The following ADCY2 variants were observed in gnomAD, a reference collection of about 807,000 sequenced individuals.
The protein encoded by ADCY2 is adenylate cyclase type 2.
ADCY2 carries 31 observed loss-of-function variants against 125.2 expected under a neutral mutation model. The observed-to-expected ratio is 0.25, with a 90% CI of 0.19 to 0.33. ADCY2 has a LOEUF of 0.33. Ranked by LOEUF, ADCY2 falls within the 10% of genes least tolerant of loss-of-function variation. ADCY2 has a pLI of 1.00. For synonymous variants in ADCY2, 512 were observed against 548.4 expected, an observed-to-expected ratio of 0.93 and a Z score of 0.93; for missense variants, 904 against 1,418.2, an observed-to-expected ratio of 0.64 and a Z score of 5.82.
chr5:7,734,213 G>A (rs1020064133), intron 14 of ADCY2, among the ~76,000 whole-genome samples: 5 of 152,140 alleles, frequency 3.3e-5, no homozygotes, highest in African/African-American at 4.8e-5. Context: ...GAAAGAGTCC[G>A]TGAAAGTCAT....
intron 3 of ADCY2, among the ~76,000 whole-genome samples, chr5:7,621,035 G>A (rs911162834): frequency 1.3e-5 from 2 of 152,204 alleles, no homozygotes; most frequent in African/African-American, 2.4e-5. Context: ...TTAAGAATTA[G>A]AATAGTAAAC....
At chr5:7,672,464 C>T (rs999388376) in intron 4 of ADCY2, among the ~76,000 whole-genome samples, 2 of 151,900 alleles carry the variant, frequency 1.3e-5, no homozygotes, top group Admixed American at 1.3e-4. Context: ...TTTATGTGGC[C>T]TGAGTACTAA....
At chr5:7,805,599 A>T (rs75495970) in intron 22 of ADCY2, among the ~76,000 whole-genome samples, 1,972 of 152,222 alleles carry the variant, frequency 0.013, 49 homozygotes, top group African/African-American at 0.045. Flanking sequence ...CCACAGAGAA[A>T]CTGCACTTAC....
intron 23 of ADCY2, among the ~76,000 whole-genome samples, chr5:7,819,356 A>G (rs1745222730): frequency 6.6e-6 from 1 of 152,150 alleles, no homozygotes; most frequent in South Asian, 2.1e-4. Context: ...ACTTATATAG[A>G]CCAAAATCAT....
At chr5:7,536,985 G>C (rs1297557151) in intron 3 of ADCY2, among the ~76,000 whole-genome samples, 1 of 151,492 alleles carries the variant, frequency 6.6e-6, no homozygotes, top group African/African-American at 2.4e-5. Flanking sequence ...TTGACTTAAA[G>C]TAATCAATAA....
chr5:7,545,327 G>A (rs1156653519), intron 3 of ADCY2, among the ~76,000 whole-genome samples: 1 of 152,186 alleles, frequency 6.6e-6, no homozygotes, highest in African/African-American at 2.4e-5. Flanking sequence ...ATCCACTAAT[G>A]TGGTGCCTTT....
At chr5:7,720,532 T>A (rs1298786366) in intron 12 of ADCY2, among the ~76,000 whole-genome samples, 1 of 152,102 alleles carries the variant, frequency 6.6e-6, no homozygotes, top group Non-Finnish European at 1.5e-5. Flanking sequence ...TATCTCCTAA[T>A]GCTATCCTCC....
intron 2 of ADCY2, among the ~76,000 whole-genome samples, chr5:7,475,277 A>G (rs1352694840): frequency 6.6e-6 from 1 of 152,184 alleles, no homozygotes; most frequent in Non-Finnish European, 1.5e-5. Flanking sequence ...CAAGGCCTGA[A>G]TCTCCTCTGA....
intron 24 of ADCY2, chr5:7,826,498 G>T: frequency 1.5e-6 from 1 of 667,160 alleles, no homozygotes; most frequent in Non-Finnish European, 2.7e-6. Flanking sequence ...TTGAATTTTA[G>T]GTTGTTTCCA....
At chr5:7,527,402 TC>T (rs1188382152) in intron 3 of ADCY2, among the ~76,000 whole-genome samples, 2 of 152,220 alleles carry the variant, frequency 1.3e-5, no homozygotes, top group Non-Finnish European at 2.9e-5. Context: ...TTCCATATAT[TC>T]CTATGTATAC....
intron 3 of ADCY2, among the ~76,000 whole-genome samples, chr5:7,529,617 T>C (rs1734580377): frequency 6.6e-6 from 1 of 152,232 alleles, no homozygotes; most frequent in Non-Finnish European, 1.5e-5. Flanking sequence ...TGGGTTGGCC[T>C]CTGCTTCTCC....
chr5:7,825,675 G>A (rs1041158600), intron 24 of ADCY2, among the ~76,000 whole-genome samples: 5 of 152,190 alleles, frequency 3.3e-5, no homozygotes, highest in South Asian at 2.1e-4. Flanking sequence ...GCCAACAGAG[G>A]GGTCTTCCCT....
chr5:7,597,939 C>G (rs990873428), intron 3 of ADCY2, among the ~76,000 whole-genome samples: 2 of 152,204 alleles, frequency 1.3e-5, no homozygotes, highest in Non-Finnish European at 2.9e-5. Flanking sequence ...CTGGCAAATT[C>G]TACTGAAGGA....
chr5:7,642,749 G>C (rs906709161), intron 4 of ADCY2, among the ~76,000 whole-genome samples: 5 of 152,080 alleles, frequency 3.3e-5, no homozygotes, highest in Non-Finnish European at 7.4e-5. Flanking sequence ...GAATTCCCAT[G>C]AGGCTAATAG....
At chr5:7,672,116 A>G (rs561980707) in intron 4 of ADCY2, among the ~76,000 whole-genome samples, 1 of 152,248 alleles carries the variant, frequency 6.6e-6, no homozygotes, top group Admixed American at 6.5e-5. Context: ...GTGGGGTGGG[A>G]TTTGATCCAG....
intron 4 of ADCY2, among the ~76,000 whole-genome samples, chr5:7,642,797 T>A (rs1031077990): frequency 1.3e-5 from 2 of 152,118 alleles, no homozygotes; most frequent in African/African-American, 4.8e-5. Flanking sequence ...TGGGGGCCTC[T>A]TTTCAACATT....
chr5:7,776,088 G>T (rs570380469), intron 18 of ADCY2, among the ~76,000 whole-genome samples: 1 of 150,236 alleles, frequency 6.7e-6, no homozygotes, highest in East Asian at 2.0e-4. Flanking sequence ...TCTCTTTTCT[G>T]AGATCCAAGA....
At chr5:7,747,959 A>G (rs549112061) in intron 15 of ADCY2, among the ~76,000 whole-genome samples, 1 of 152,208 alleles carries the variant, frequency 6.6e-6, no homozygotes, top group African/African-American at 2.4e-5. Flanking sequence ...TCTCACCCCA[A>G]CTGGACTCCT....
At chr5:7,471,586 C>T (rs901407241) in intron 2 of ADCY2, among the ~76,000 whole-genome samples, 3 of 151,808 alleles carry the variant, frequency 2.0e-5, no homozygotes, top group Non-Finnish European at 4.4e-5. Flanking sequence ...GGCTATCTTT[C>T]TATGATAAAA....
Sources: gnomAD v4.1 joint callset for allele counts (sites outside exome capture counted in the v4.1 genomes callset) on GRCh38, gnomAD v4.1.1 for gene constraint, MANE v1.5 for transcripts, NCBI Gene and HGNC (gene_info 2026-07-23, HGNC 2026-07-21) for gene names.